The following MEGF9 variants were observed in gnomAD, a reference collection of about 807,000 sequenced individuals.
The protein encoded by MEGF9 is multiple EGF like domains 9, also known as multiple epidermal growth factor-like domains protein 9.
In MEGF9, 6 loss-of-function variants were observed where a neutral mutation model predicts 46.8. The ratio of observed to expected loss-of-function variants is 0.13; its 90% confidence interval spans 0.07 to 0.25. MEGF9 has a LOEUF of 0.25. Ranked by LOEUF, MEGF9 falls within the 10% of genes least tolerant of loss-of-function variation. The probability of loss-of-function intolerance (pLI) is 1.00; values close to 1 mark genes in which losing one functional copy is unlikely to be tolerated. For synonymous variants in MEGF9, 302 were observed against 330.7 expected (o/e 0.91, Z 0.94); for missense variants, 683 against 792.4 (o/e 0.86, Z 1.66).
At chr9:120,664,542 C>A (rs1437744525) in intron 1 of MEGF9, among the ~76,000 whole-genome samples, 1 of 152,170 alleles carries the variant, frequency 6.6e-6, no homozygotes, top group Non-Finnish European at 1.5e-5. Context: ...AGAAATGTTA[C>A]CCTGACAACA....
chr9:120,686,517 T>G (rs577555177), intron 1 of MEGF9, among the ~76,000 whole-genome samples: 9 of 152,378 alleles, frequency 5.9e-5, no homozygotes, highest in African/African-American at 2.2e-4. Context: ...TTATATGTTT[T>G]TTAACCCATA....
At chr9:120,639,654 C>G (rs1259762464) in intron 2 of MEGF9, among the ~76,000 whole-genome samples, 4 of 151,922 alleles carry the variant, frequency 2.6e-5, no homozygotes, top group South Asian at 2.1e-4. Flanking sequence ...GAGGACCTAT[C>G]TCACAGGTTT....
chr9:120,696,469 A>G (rs2043877509), intron 1 of MEGF9, among the ~76,000 whole-genome samples: 1 of 152,170 alleles, frequency 6.6e-6, no homozygotes, highest in Non-Finnish European at 1.5e-5. Flanking sequence ...GGGGATAATA[A>G]TACAAACTTT....
chr9:120,662,543 C>T (rs1317748933), intron 1 of MEGF9, among the ~76,000 whole-genome samples: 1 of 152,230 alleles, frequency 6.6e-6, no homozygotes, highest in Non-Finnish European at 1.5e-5. Context: ...CCGGCTCTCT[C>T]ACTAACTTTA....
chr9:120,620,338 C>G (rs2043493458), intron 3 of MEGF9, among the ~76,000 whole-genome samples: 1 of 152,128 alleles, frequency 6.6e-6, no homozygotes, highest in Admixed American at 6.5e-5. Flanking sequence ...AATCTTTCCT[C>G]TGTACGCCTT....
At chr9:120,659,928 T>C (rs978937418) in intron 1 of MEGF9, among the ~76,000 whole-genome samples, 1 of 151,064 alleles carries the variant, frequency 6.6e-6, no homozygotes, top group South Asian at 2.1e-4. Flanking sequence ...AATCCCACTG[T>C]ATAGCAGCAA....
At chr9:120,633,725 G>A (rs192914477) in intron 2 of MEGF9, among the ~76,000 whole-genome samples, 1 of 152,134 alleles carries the variant, frequency 6.6e-6, no homozygotes, top group Admixed American at 6.5e-5. Context: ...TAATACAAGT[G>A]TTTATTGCTA....
chr9:120,693,937 AT>A (rs1268650958), intron 1 of MEGF9, among the ~76,000 whole-genome samples: 11 of 152,146 alleles, frequency 7.2e-5, no homozygotes, highest in African/African-American at 1.4e-4. Flanking sequence ...AAAAAAAAAA[AT>A]AAAGGTAAAA....
At chr9:120,702,402 T>C (rs914465236) in intron 1 of MEGF9, among the ~76,000 whole-genome samples, 3 of 152,230 alleles carry the variant, frequency 2.0e-5, no homozygotes, top group Non-Finnish European at 2.9e-5. Flanking sequence ...CATTTTTAAA[T>C]GTTATTCATT....
intron 5 of MEGF9, among the ~76,000 whole-genome samples, chr9:120,606,313 A>G (rs2043420380): frequency 6.6e-6 from 1 of 152,260 alleles, no homozygotes; most frequent in African/African-American, 2.4e-5. Context: ...AGTTAAAAGT[A>G]ACAGGGATAT....
intron 1 of MEGF9, among the ~76,000 whole-genome samples, chr9:120,668,264 C>T (rs1278689496): frequency 6.6e-6 from 1 of 152,146 alleles, no homozygotes; most frequent in Non-Finnish European, 1.5e-5. Context: ...TTACATTTCA[C>T]ATTTATGTTA....
chr9:120,644,601 C>A (rs771381664), intron 2 of MEGF9, among the ~76,000 whole-genome samples: 2 of 152,306 alleles, frequency 1.3e-5, no homozygotes, highest in Middle Eastern at 3.4e-3. Context: ...CCAGTTTCTG[C>A]CACTTATTAG....
chr9:120,645,385 T>C (rs1320514289), intron 2 of MEGF9, among the ~76,000 whole-genome samples: 1 of 152,196 alleles, frequency 6.6e-6, no homozygotes, highest in East Asian at 1.9e-4. Flanking sequence ...GAATCACTGC[T>C]GCCTCTGCAA....
chr9:120,704,211 G>C (rs750978299), intron 1 of MEGF9, among the ~76,000 whole-genome samples: 2 of 151,724 alleles, frequency 1.3e-5, no homozygotes, highest in Non-Finnish European at 2.9e-5. Flanking sequence ...GCAGGCACCT[G>C]TAATCCCAGC....
At chr9:120,640,826 A>T (rs1456314068) in intron 2 of MEGF9, among the ~76,000 whole-genome samples, 1 of 152,098 alleles carries the variant, frequency 6.6e-6, no homozygotes, top group East Asian at 1.9e-4. Context: ...GTAGTACCCA[A>T]TAGGTAGTTT....
chr9:120,653,665 C>T (rs1355802347), intron 2 of MEGF9, among the ~76,000 whole-genome samples: 1 of 152,132 alleles, frequency 6.6e-6, no homozygotes, highest in African/African-American at 2.4e-5. Flanking sequence ...GGCCACCGCG[C>T]CCGGCCTTTA....
At chr9:120,646,473 T>C (rs914587433) in intron 2 of MEGF9, among the ~76,000 whole-genome samples, 1 of 152,208 alleles carries the variant, frequency 6.6e-6, no homozygotes, top group Non-Finnish European at 1.5e-5. Context: ...ATCTTGCTGT[T>C]TGCTGTCTGT....
At chr9:120,699,472 C>T (rs2043893170) in intron 1 of MEGF9, among the ~76,000 whole-genome samples, 1 of 151,672 alleles carries the variant, frequency 6.6e-6, no homozygotes, top group Non-Finnish European at 1.5e-5. Flanking sequence ...AATGCCAACA[C>T]TTTGTGAGGC....
chr9:120,669,569 T>A (rs566498960), intron 1 of MEGF9, among the ~76,000 whole-genome samples: 28 of 149,468 alleles, frequency 1.9e-4, no homozygotes, highest in African/African-American at 6.6e-4. Flanking sequence ...AAAATAGATG[T>A]TTAGGCAAAA....
Sources: allele counts gnomAD v4.1 joint callset (sites outside exome capture counted in the v4.1 genomes callset), GRCh38; gene constraint gnomAD v4.1.1; transcripts MANE v1.5; gene names NCBI Gene and HGNC (gene_info 2026-07-23, HGNC 2026-07-21).